EXT1: variants seen among roughly 807,000 people sequenced by gnomAD.
EXT1 encodes exostosin-1.
In EXT1, 20 loss-of-function variants were observed where a neutral mutation model predicts 82.5. The observed-to-expected ratio is 0.24, with a 90% confidence interval of 0.17 to 0.35. The LOEUF is 0.35. Ranked by LOEUF, EXT1 falls within the 10% of genes least tolerant of loss-of-function variation. The pLI is 1.00. For missense variants in EXT1, 757 were observed against 936.5 expected (o/e 0.81, Z 2.50); for synonymous variants, 348 against 350.8 (o/e 0.99, Z 0.09).
chr8:117,941,647 G>A (rs1301236478), intron 1 of EXT1, among the ~76,000 whole-genome samples: 2 of 152,194 alleles, frequency 1.3e-5, no homozygotes, highest in African/African-American at 4.8e-5. Context: ...AAGAGACCTG[G>A]CACAGAAGAG....
chr8:117,967,748 G>T (rs558007682), intron 1 of EXT1, among the ~76,000 whole-genome samples: 4 of 152,324 alleles, frequency 2.6e-5, no homozygotes, highest in Admixed American at 1.3e-4. Context: ...CTTACTCATG[G>T]ATTCTGCTAC....
intron 1 of EXT1, among the ~76,000 whole-genome samples, chr8:118,010,350 C>A (rs1404405831): frequency 7.3e-6 from 1 of 136,222 alleles, no homozygotes; most frequent in Non-Finnish European, 1.5e-5. Context: ...CCAGCCTGAG[C>A]GACAGAGGGA....
intron 1 of EXT1, among the ~76,000 whole-genome samples, chr8:117,937,076 C>T (rs1406951402): frequency 6.6e-6 from 1 of 152,128 alleles, no homozygotes; most frequent in African/African-American, 2.4e-5. Flanking sequence ...ATTATTACTT[C>T]CCCTGCCCAA....
At chr8:118,082,595 T>C (rs1477976074) in intron 1 of EXT1, among the ~76,000 whole-genome samples, 2 of 152,224 alleles carry the variant, frequency 1.3e-5, no homozygotes, top group African/African-American at 4.8e-5. Context: ...TTTTAGCAGA[T>C]GTCCAGTTTC....
At chr8:117,861,748 A>G (rs546272148) in intron 1 of EXT1, among the ~76,000 whole-genome samples, 1 of 144,434 alleles carries the variant, frequency 6.9e-6, no homozygotes, top group African/African-American at 2.4e-5. Flanking sequence ...CACCCACCTC[A>G]GCCTCCCAGA....
In EXT1 at chr8:118,109,711, C is replaced by T. The variant is rs1023822633; in HGVS notation, c.962+374G>A. Among the ~76,000 whole-genome samples the T allele has an allele frequency of 1.4e-4, 22 of 152,240 alleles. 1 individual carries two copies. The highest frequency in any genetic ancestry group is 5.3e-4 in the African/African-American group (22 of 41,522). On this transcript the variant is annotated intron_variant, in intron 1 of 10. Coordinates refer to ENST00000378204, the MANE Select transcript of EXT1 (RefSeq NM_000127.3). Reference sequence around the variant, plus strand: ...CTCTGGACTTTGGGTAGATCACAGCCTCTCCGGGTCTCTAGATACCCTCAG... The same window carrying T: ...CTCTGGACTTTGGGTAGATCACAGCTTCTCCGGGTCTCTAGATACCCTCAG...
intron 1 of EXT1, among the ~76,000 whole-genome samples, chr8:118,071,817 T>C (rs1016182648): frequency 1.9e-4 from 29 of 152,188 alleles, no homozygotes; most frequent in Non-Finnish European, 7.3e-5. Flanking sequence ...ATGATATTGT[T>C]ATTTTTAATA....
At chr8:117,962,068 G>A (rs529570225) in intron 1 of EXT1, among the ~76,000 whole-genome samples, 1 of 152,224 alleles carries the variant, frequency 6.6e-6, no homozygotes, top group Admixed American at 6.5e-5. Flanking sequence ...CACTGCCTCA[G>A]ATTTGTGCAT....
chr8:117,974,344 C>CT (rs1318113302), intron 1 of EXT1, among the ~76,000 whole-genome samples: 1 of 152,194 alleles, frequency 6.6e-6, no homozygotes, highest in Non-Finnish European at 1.5e-5. Context: ...GATCCCCCTC[C>CT]TGCCTTCCCA....
At chr8:118,007,004 C>A (rs1356806137) in intron 1 of EXT1, among the ~76,000 whole-genome samples, 2 of 152,114 alleles carry the variant, frequency 1.3e-5, no homozygotes, top group African/African-American at 4.8e-5. Context: ...TTTTTAAAAG[C>A]ATTTGATGGC....
intron 1 of EXT1, among the ~76,000 whole-genome samples, chr8:117,843,745 AT>A (rs1280760608): frequency 6.6e-6 from 1 of 152,124 alleles, no homozygotes; most frequent in Non-Finnish European, 1.5e-5. Context: ...ACCCAATTTC[AT>A]AGAGAAGCAA....
intron 1 of EXT1, among the ~76,000 whole-genome samples, chr8:118,073,243 C>T (rs1172889040): frequency 3.9e-5 from 6 of 152,100 alleles, no homozygotes; most frequent in African/African-American, 1.2e-4. Context: ...TAGTGACATA[C>T]GCTAACTAAT....
chr8:117,960,053 A>T (rs1247075407), intron 1 of EXT1, among the ~76,000 whole-genome samples: 1 of 152,170 alleles, frequency 6.6e-6, no homozygotes, highest in African/African-American at 2.4e-5. Context: ...TTTTGTAAAA[A>T]TACAAAAATT....
intron 1 of EXT1, among the ~76,000 whole-genome samples, chr8:117,863,492 C>G (rs1236644182): frequency 6.9e-6 from 1 of 145,318 alleles, no homozygotes; most frequent in South Asian, 2.1e-4. Context: ...ACGGCTGATG[C>G]GGGCCAAATA....
chr8:117,980,697 G>GTTTTTT (rs1491146564), intron 1 of EXT1, among the ~76,000 whole-genome samples: 404 of 27,462 alleles, frequency 0.015, 71 homozygotes, highest in East Asian at 0.019. Context: ...GGGTGTTGGT[G>GTTTTTT]GTTTTTTTTT....
chr8:118,068,166 C>T (rs917723307), intron 1 of EXT1, among the ~76,000 whole-genome samples: 6 of 152,214 alleles, frequency 3.9e-5, no homozygotes, highest in African/African-American at 1.4e-4. Context: ...GCTTACAGTG[C>T]CAGAGCTGAG....
At chr8:117,881,985 A>G (rs893681303) in intron 1 of EXT1, among the ~76,000 whole-genome samples, 2 of 152,218 alleles carry the variant, frequency 1.3e-5, no homozygotes, top group African/African-American at 4.8e-5. Context: ...GAAAAAGTCA[A>G]GTGCTGATCA....
chr8:117,887,652 C>A (rs139343417), intron 1 of EXT1, among the ~76,000 whole-genome samples: 2 of 137,382 alleles, frequency 1.5e-5, no homozygotes, highest in African/African-American at 5.3e-5. Context: ...GCCCAGCCCC[C>A]TTTCTTACTC....
chr8:117,976,397 A>T (rs1247630945), intron 1 of EXT1, among the ~76,000 whole-genome samples: 1 of 152,250 alleles, frequency 6.6e-6, no homozygotes, highest in Non-Finnish European at 1.5e-5. Flanking sequence ...TAGAACGTGT[A>T]AACACACTCT....
Sources: gnomAD v4.1 joint callset for allele counts (sites outside exome capture counted in the v4.1 genomes callset) on GRCh38, gnomAD v4.1.1 for gene constraint, MANE v1.5 for transcripts, NCBI Gene and HGNC (gene_info 2026-07-23, HGNC 2026-07-21) for gene names.